APOL3: variants seen among roughly 807,000 people sequenced by gnomAD.
APOL3 encodes the protein TNF-inducible protein CG12-1.
A neutral mutation model predicts 11.6 loss-of-function variants in APOL3; 14 were observed. The ratio of observed to expected loss-of-function variants is 1.21; its 90% CI spans 0.80 to 1.89. APOL3 has a LOEUF of 1.89. Among genes scored for constraint, APOL3 ranks in the 40% most tolerant of loss-of-function variants. The probability of loss-of-function intolerance (pLI) is 0.00; values close to 1 mark genes in which losing one functional copy is unlikely to be tolerated. For missense variants in APOL3, 483 were observed against 492.1 expected (o/e 0.98, Z 0.17); for synonymous variants, 192 against 190.6 (o/e 1.01, Z -0.06).
chr22:36,159,899 G>C (rs1444890106), intron 1 of APOL3, among the ~76,000 whole-genome samples: 1 of 150,634 alleles, frequency 6.6e-6, no homozygotes, highest in Admixed American at 6.6e-5. Flanking sequence ...TTTTGAGACA[G>C]AGTCTCACTC....
At chr22:36,145,840 C>T (rs1356538270) in intron 1 of APOL3, among the ~76,000 whole-genome samples, 2 of 151,908 alleles carry the variant, frequency 1.3e-5, no homozygotes, top group African/African-American at 4.8e-5. Flanking sequence ...TAAAGAGAGT[C>T]GTAAGGGTAG....
rs1259960995 is a variant in APOL3 at position 36,160,738 on chromosome 22, GC to G, written c.153del (p.Leu52TrpfsTer49). On this transcript the variant is annotated frameshift_variant, in exon 1 of 3. It removes the in-frame stop codon of an upstream open reading frame in the 5' UTR. Transcript: ENST00000349314. LOFTEE classifies it high-confidence loss of function. ...CTGAGCTGTGTGGATCCCACCTCCA[GC>G]CGTGCATCTGCATAATAACCAGACA... 8 of 1,614,080 alleles carry G rather than the reference GC, an allele frequency of 5.0e-6. No individual in the cohort carries two copies. The East Asian group carries it at 1.8e-4, about 36-fold the overall frequency.
chr22:36,161,059 C>G, upstream of APOL3: 1 of 628,708 alleles, frequency 1.6e-6, no homozygotes, highest in Non-Finnish European at 2.8e-6. Context: ...CCAGATTACT[C>G]CCCACCCCCA....
chr22:36,142,011 T>A (rs1266043216), exon 3 of APOL3: 4 of 1,614,056 alleles, frequency 2.5e-6, no homozygotes, highest in African/African-American at 2.7e-5. Context: ...AATAGCTGCA[T>A]ATGTTCTAAG....
chr22:36,150,306 AAC>A (rs1174600154), intron 1 of APOL3, among the ~76,000 whole-genome samples: 2 of 152,198 alleles, frequency 1.3e-5, no homozygotes, highest in African/African-American at 2.4e-5. Flanking sequence ...TAGGTATAAT[AAC>A]AGTCAATGAG....
chr22:36,163,980 AT>A (rs778875956), upstream of APOL3, among the ~76,000 whole-genome samples: 3 of 152,164 alleles, frequency 2.0e-5, no homozygotes, highest in African/African-American at 4.8e-5. Context: ...AGTTATTCTC[AT>A]ATATTTGCAG....
intron 1 of APOL3, chr22:36,149,992 T>C (rs2060372060): frequency 2.3e-6 from 1 of 439,890 alleles, no homozygotes; most frequent in Non-Finnish European, 4.6e-6. Flanking sequence ...AAATTTTTTT[T>C]AGAAATGTGG....
exon 3 of APOL3, chr22:36,141,149 G>T: frequency 6.4e-7 from 1 of 1,564,476 alleles, no homozygotes. Flanking sequence ...CCTGCATTTT[G>T]TCGTGGCCTG....
intron 1 of APOL3, chr22:36,157,153 T>C (rs1325212850): frequency 5.0e-6 from 2 of 403,220 alleles, no homozygotes; most frequent in Non-Finnish European, 9.9e-6. Flanking sequence ...AAGAAATTTC[T>C]AAAAACACGC....
intron 2 of APOL3, 35 bp downstream of exon 3, chr22:36,145,438 G>A (rs570101676): frequency 3.0e-5 from 48 of 1,609,942 alleles, no homozygotes; most frequent in Non-Finnish European, 3.7e-5. Context: ...TGGCATAGCC[G>A]GGGCGCCCCA....
intron 2 of APOL3, among the ~76,000 whole-genome samples, chr22:36,142,527 C>T (rs937203967): frequency 1.3e-5 from 2 of 152,156 alleles, no homozygotes; most frequent in African/African-American, 4.8e-5. Flanking sequence ...TCTCTGGGGC[C>T]CTGGAATGTC....
chr22:36,142,939 C>CTG (rs1322945479), intron 2 of APOL3, among the ~76,000 whole-genome samples: 4 of 152,202 alleles, frequency 2.6e-5, no homozygotes, highest in Non-Finnish European at 5.9e-5. Flanking sequence ...AGCATTCTTG[C>CTG]TGTCTGATCA....
chr22:36,160,893 C>G (rs752940663), exon 1 of APOL3: 2 of 1,612,896 alleles, frequency 1.2e-6, no homozygotes, highest in Non-Finnish European at 1.7e-6. Context: ...CAGTCCCATC[C>G]TTGGTCCAGC....
upstream of APOL3, among the ~76,000 whole-genome samples, chr22:36,162,199 C>T (rs1240497938): frequency 1.3e-5 from 2 of 152,200 alleles, no homozygotes; most frequent in African/African-American, 4.8e-5. Flanking sequence ...GTCACTGCAA[C>T]AGCTCCTGGC....
At chr22:36,144,990 G>C (rs1385089363) in intron 2 of APOL3, among the ~76,000 whole-genome samples, 1 of 123,348 alleles carries the variant, frequency 8.1e-6, no homozygotes, top group Non-Finnish European at 1.6e-5. Flanking sequence ...CAGCCTGGGG[G>C]ACAAGCAAGA....
Position 36,141,380 on chromosome 22 carries a change from GGTC to G in APOL3, c.1026_1028del (p.Thr344del), listed in dbSNP as rs1437327653. Reference sequence around the variant, plus strand: ...CCAGTGCAAGGAAGATGCCTGAAGTGGTCGCACTCAGGATCCGGGCTCCTCTGC... The same window carrying G: ...CCAGTGCAAGGAAGATGCCTGAAGTGGCACTCAGGATCCGGGCTCCTCTGC... On this transcript the variant is annotated inframe_deletion, in exon 3 of 3. Transcript: ENST00000349314. 1.9e-6 allele frequency: 3 copies of G among 1,614,066 alleles called. No homozygotes were observed. In the African/African-American group the frequency reaches 4.0e-5, roughly 22 times the overall value.
At chr22:36,142,517 T>TC (rs1192938904) in intron 2 of APOL3, among the ~76,000 whole-genome samples, 1 of 152,182 alleles carries the variant, frequency 6.6e-6, no homozygotes. Context: ...TGGGAAGGGA[T>TC]CTCTGGGGCC....
chr22:36,159,880 C>CTT lies in APOL3; in HGVS notation c.223+787_223+788dup, dbSNP rs1203226199. Among the ~76,000 whole-genome samples, 849 of 145,980 alleles carry CTT rather than the reference C, an allele frequency of 5.8e-3. 7 individuals are homozygous for CTT. Among genetic ancestry groups the CTT allele is most frequent in the African/African-American group, 0.02 (811 of 39,988 alleles). On this transcript the variant is annotated intron_variant, in intron 1 of 2. Coordinates refer to ENST00000349314, the Ensembl canonical transcript of APOL3. The stretch of plus-strand genomic sequence containing the variant: ...TGTTATCTCTTTTCGCTCTCTCTCT[C>CTT]TTTTTTTTTTTTGAGACAGAGTCTC...
intron 2 of APOL3, among the ~76,000 whole-genome samples, chr22:36,144,995 G>A (rs545139108): frequency 4.1e-4 from 47 of 113,796 alleles, no homozygotes; most frequent in Non-Finnish European, 6.6e-4. Context: ...TGGGGGACAA[G>A]CAAGACTCTG....
Sources: allele counts gnomAD v4.1 joint callset (sites outside exome capture counted in the v4.1 genomes callset), GRCh38; gene constraint gnomAD v4.1.1; transcripts MANE v1.5; gene names NCBI Gene and HGNC (gene_info 2026-07-23, HGNC 2026-07-21).